Variants in BLTP3A observed in about 807,000 individuals in gnomAD.
The protein encoded by BLTP3A is ICBP90 binding protein 1.
At chr6:34,811,923 G>A in the BLTP3A span, among the ~76,000 whole-genome samples, 3 of 152,058 alleles carry the variant, frequency 2.0e-5, no homozygotes, top group Admixed American at 6.6e-5. Context: ...CTAGCTCCTT[G>A]GGAGGCTGAG....
the BLTP3A span, chr6:34,864,251 C>T: frequency 6.5e-7 from 1 of 1,546,010 alleles, no homozygotes; most frequent in Non-Finnish European, 8.8e-7. Flanking sequence ...AGGGTTCTCT[C>T]TGCTGCCTGT....
the BLTP3A span, among the ~76,000 whole-genome samples, chr6:34,864,842 C>T: frequency 6.6e-6 from 1 of 151,954 alleles, no homozygotes; most frequent in Non-Finnish European, 1.5e-5. Context: ...GCGGCAGGTG[C>T]TTGTAATCTC....
At chr6:34,857,352 T>C in the BLTP3A span, 155 of 1,612,804 alleles carry the variant, frequency 9.6e-5, 1 homozygote, top group Admixed American at 1.8e-4. Context: ...GACAGCCAAG[T>C]AAAAAGCCAT....
At chr6:34,871,718 G>C in the BLTP3A span, 1 of 1,613,880 alleles carries the variant, frequency 6.2e-7, no homozygotes, top group Non-Finnish European at 8.5e-7. Context: ...CAGCCTGTTG[G>C]TTTCTCTGCC....
At chr6:34,794,950 A>G in the BLTP3A span, among the ~76,000 whole-genome samples, 2 of 149,738 alleles carry the variant, frequency 1.3e-5, no homozygotes, top group Admixed American at 6.7e-5. Flanking sequence ...ACGCCCAGCT[A>G]ATTTTTTTTT....
the BLTP3A span, chr6:34,822,103 C>A: frequency 1.0e-6 from 1 of 980,514 alleles, no homozygotes; most frequent in Non-Finnish European, 1.5e-6. Context: ...GACAGTGTGA[C>A]TGTTGTCTGG....
the BLTP3A span, among the ~76,000 whole-genome samples, chr6:34,827,397 A>G: frequency 6.6e-6 from 1 of 152,312 alleles, no homozygotes; most frequent in East Asian, 1.9e-4. Flanking sequence ...AAAAGAAAAG[A>G]GGATTTTGAG....
chr6:34,801,928 G>A, the BLTP3A span, among the ~76,000 whole-genome samples: 12 of 152,082 alleles, frequency 7.9e-5, no homozygotes, highest in African/African-American at 1.2e-4. Context: ...TAGTAGAGAC[G>A]GAGTTTCATC....
chr6:34,806,548 A>G, the BLTP3A span, among the ~76,000 whole-genome samples: 1 of 152,328 alleles, frequency 6.6e-6, no homozygotes, highest in African/African-American at 2.4e-5. Context: ...CTCAGAAACT[A>G]ACGACAGCCT....
At chr6:34,804,707 A>G in the BLTP3A span, among the ~76,000 whole-genome samples, 1 of 152,174 alleles carries the variant, frequency 6.6e-6, no homozygotes, top group Non-Finnish European at 1.5e-5. Flanking sequence ...GATAGGGCTC[A>G]GCTTGTTCCC....
At chr6:34,793,846 T>C in the BLTP3A span, among the ~76,000 whole-genome samples, 2 of 151,898 alleles carry the variant, frequency 1.3e-5, no homozygotes, top group Admixed American at 6.6e-5. Context: ...ATCATAGCAT[T>C]GTTGTTTAAG....
the BLTP3A span, chr6:34,864,201 A>G: frequency 6.3e-5 from 101 of 1,611,848 alleles, 1 homozygote; most frequent in Admixed American, 3.3e-5. Flanking sequence ...GGAGTCTGGT[A>G]TGTGGGAGCA....
chr6:34,874,614 T>C, the BLTP3A span: 1 of 152,212 alleles, frequency 6.6e-6, no homozygotes, highest in Non-Finnish European at 1.5e-5. Context: ...AGGTTCAACA[T>C]AATATAAGGA....
chr6:34,822,221 T>C, the BLTP3A span, among the ~76,000 whole-genome samples: 1 of 151,994 alleles, frequency 6.6e-6, no homozygotes, highest in Admixed American at 6.6e-5. Flanking sequence ...CTGCCTAGGC[T>C]CTACCCTTAG....
the BLTP3A span, among the ~76,000 whole-genome samples, chr6:34,820,021 G>A: frequency 6.6e-6 from 1 of 152,120 alleles, no homozygotes. Context: ...CAGGTGACTG[G>A]TTGTTCTTTT....
chr6:34,835,449 C>G, the BLTP3A span: 26 of 1,613,894 alleles, frequency 1.6e-5, 2 homozygotes. Context: ...AGAGCCTGGC[C>G]CCTGAACCTG....
the BLTP3A span, among the ~76,000 whole-genome samples, chr6:34,836,657 T>C: frequency 6.6e-6 from 1 of 152,162 alleles, no homozygotes; most frequent in African/African-American, 2.4e-5. Context: ...AACTTTTTTT[T>C]CCCCTCACCA....
chr6:34,870,925 G>A, the BLTP3A span: 10 of 1,614,196 alleles, frequency 6.2e-6, no homozygotes, highest in Non-Finnish European at 7.6e-6. Context: ...TCGCTTTGAG[G>A]TGGGGCCTGG....
chr6:34,798,872 A>G, the BLTP3A span, among the ~76,000 whole-genome samples: 1 of 152,166 alleles, frequency 6.6e-6, no homozygotes, highest in Non-Finnish European at 1.5e-5. Context: ...GTACATTAAG[A>G]GAAAGGAGGG....
Sources: gnomAD v4.1 joint callset for allele counts (sites outside exome capture counted in the v4.1 genomes callset) on GRCh38, gnomAD v4.1.1 for gene constraint, MANE v1.5 for transcripts, NCBI Gene and HGNC (gene_info 2026-07-23, HGNC 2026-07-21) for gene names.